SPRED2: variants seen among roughly 807,000 people sequenced by gnomAD.
The protein encoded by SPRED2 is sprouty-related, EVH1 domain-containing protein 2.
Under a neutral mutation model 43.0 loss-of-function variants are expected in SPRED2, and 47 were observed. The observed-to-expected ratio is 1.09, with a 90% CI of 0.87 to 1.40. The LOEUF (loss-of-function observed/expected upper bound fraction) is 1.40, where lower values mean the gene tolerates loss of function less well. Among genes scored for constraint, SPRED2 ranks in the 40% most tolerant of loss-of-function variants. SPRED2 has a pLI of 0.00. For synonymous variants in SPRED2, 225 were observed against 225.7 expected, an observed-to-expected ratio of 1.00 and a Z score of 0.03; for missense variants, 561 against 586.4, an observed-to-expected ratio of 0.96 and a Z score of 0.45.
chr2:65,414,044 C>T (rs1676220034), intron 1 of SPRED2, among the ~76,000 whole-genome samples: 1 of 152,098 alleles, frequency 6.6e-6, no homozygotes, highest in South Asian at 2.1e-4. Context: ...CCAGAAAATG[C>T]TAACAATCCA....
chr2:65,325,651 C>G (rs1396266213), intron 4 of SPRED2, among the ~76,000 whole-genome samples: 1 of 152,156 alleles, frequency 6.6e-6, no homozygotes, highest in Admixed American at 6.5e-5. Flanking sequence ...TCAAGAACCA[C>G]AGGATTAGGA....
chr2:65,321,636 G>A (rs1447341847), intron 4 of SPRED2, among the ~76,000 whole-genome samples: 1 of 151,746 alleles, frequency 6.6e-6, no homozygotes, highest in African/African-American at 2.4e-5. Flanking sequence ...AGGCAGATTA[G>A]ATTTGAATCA....
chr2:65,411,282 T>C (rs1470115662), intron 1 of SPRED2, among the ~76,000 whole-genome samples: 3 of 152,206 alleles, frequency 2.0e-5, no homozygotes, highest in African/African-American at 2.4e-5. Context: ...GATAGCAACA[T>C]TGAGGGACAC....
chr2:65,324,877 G>C (rs1184455662), intron 4 of SPRED2, among the ~76,000 whole-genome samples: 2 of 152,204 alleles, frequency 1.3e-5, no homozygotes, highest in Admixed American at 1.3e-4. Context: ...GGTCTTTTCA[G>C]TACTATGCGC....
intron 4 of SPRED2, among the ~76,000 whole-genome samples, chr2:65,326,916 C>T (rs1022561559): frequency 6.6e-6 from 1 of 152,184 alleles, no homozygotes; most frequent in Non-Finnish European, 1.5e-5. Flanking sequence ...TCACAGCTCA[C>T]TGCAGCCTTG....
chr2:65,338,790 G>C lies in SPRED2; in HGVS notation c.205-4017C>G, dbSNP rs1408338839. Among the ~76,000 whole-genome samples the C allele has an allele frequency of 5.3e-5, 8 of 150,202 alleles. No homozygotes were observed. The East Asian group carries it at 1.6e-3, about 30-fold the overall frequency. ...TGGGATGTGAGGAGCCCCTCTGCCT[G>C]GCTGCCCAGTCTGGAAAGTGAGGAG... On this transcript the variant is annotated intron_variant, in intron 2 of 5. Transcript: ENST00000356388.
chr2:65,363,356 T>C (rs1674881414), intron 1 of SPRED2, among the ~76,000 whole-genome samples: 1 of 151,930 alleles, frequency 6.6e-6, no homozygotes, highest in African/African-American at 2.4e-5. Context: ...TCAGCAAACA[T>C]GTACCCGGAA....
rs1025968806 is a variant in SPRED2 at position 65,376,773 on chromosome 2, G to T, written c.27-31877C>A. 2.0e-5 allele frequency among the ~76,000 whole-genome samples: 3 copies of T among 152,098 alleles called. No individual in the cohort carries two copies. In the South Asian group the frequency reaches 6.2e-4, roughly 32 times the overall value. ...TCTGTTGCCCAGTCTGGAGTGCAGT[G>T]GCGCAATCTCGGCTCACTGCAAGCT... On this transcript the variant is annotated intron_variant, in intron 1 of 5. Coordinates refer to ENST00000356388, the MANE Select transcript of SPRED2 (RefSeq NM_181784.3).
intron 4 of SPRED2, among the ~76,000 whole-genome samples, chr2:65,327,180 T>C (rs1267341439): frequency 4.6e-5 from 7 of 152,210 alleles, no homozygotes; most frequent in African/African-American, 7.2e-5. Context: ...TTAGATGATA[T>C]GTTGATATGA....
In SPRED2 at chr2:65,313,629, G is replaced by T. The variant is rs1673136584; in HGVS notation, c.1129C>A (p.Arg377=). Residue 377 remains arginine, a synonymous_variant, in exon 6 of 6, where the codon CGG becomes AGG. Transcript: ENST00000356388. ...CDTSDEKFCL[R]WMALIALSFL... ...GACAAGGCAATAAGAGCCATCCACC[G>T]GAGGCAAAACTTCTCGTCGCTAGTA... The T allele has an allele frequency of 1.2e-6, 2 of 1,614,188 alleles. No individual in the cohort carries two copies. Among genetic ancestry groups the T allele is most frequent in the East Asian group, 2.2e-5 (1 of 44,874 alleles).
chr2:65,334,718 G>A lies in SPRED2; in HGVS notation c.260C>T (p.Thr87Met), dbSNP rs781246078. The A allele has an allele frequency of 6.2e-6, 10 of 1,614,062 alleles. No homozygotes were observed. The highest frequency in any genetic ancestry group is 4.0e-5 in the African/African-American group (3 of 74,926). The change falls in exon 3 of 6, where the codon ACG (threonine) becomes ATG (methionine). Residue 87 changes from threonine (T) to methionine (M), a missense_variant. Thr to Met is a moderately conservative substitution (Grantham distance 81). This residue lies in a region of SPRED2 where 305 missense variants were observed against 282.4 expected (regional missense o/e 1.08). Coordinates refer to ENST00000356388, the MANE Select transcript of SPRED2 (RefSeq NM_181784.3). ...ATTATCGACCTTCCAGTGATGAAAC[G>A]TTGGATTGGCTTTGGTGTAGACCAA... ...KDLVYTKANP[T>M]FHHWKVDNRK... is the part of the protein sequence containing the mutation.
At chr2:65,395,022 G>C (rs748203628) in intron 1 of SPRED2, among the ~76,000 whole-genome samples, 11 of 152,110 alleles carry the variant, frequency 7.2e-5, no homozygotes, top group Non-Finnish European at 1.3e-4. Context: ...CCGGTGGCCA[G>C]GATTTGCCAT....
rs1191849304 is a variant in SPRED2, at chr2:65,432,334, A to T, written c.-347T>A. Reference sequence around the variant, plus strand: ...ACAAGCGCGCCTCGGAGCGGCAGGGACTGCTGCGAGGAGGAGGAGAGCGCC... The same window carrying T: ...ACAAGCGCGCCTCGGAGCGGCAGGGTCTGCTGCGAGGAGGAGGAGAGCGCC... On this transcript the variant is annotated 5_prime_UTR_variant, in exon 1 of 6. Coordinates refer to ENST00000356388, the MANE Select transcript of SPRED2 (RefSeq NM_181784.3). Among the ~76,000 whole-genome samples, 3 of 136,840 alleles carry T rather than the reference A, an allele frequency of 2.2e-5. No homozygotes were observed. The highest frequency in any genetic ancestry group is 4.6e-5 in the Non-Finnish European group (3 of 64,642). 89.8% of individuals were successfully genotyped at this position (136,840 alleles called of 152,430 possible).
chr2:65,367,765 G>A (rs1275871856), intron 1 of SPRED2, among the ~76,000 whole-genome samples: 2 of 152,206 alleles, frequency 1.3e-5, no homozygotes, highest in Non-Finnish European at 2.9e-5. Flanking sequence ...ACGTTATGAA[G>A]GAGAGGTGAC....
chr2:65,417,449 C>T (rs1676312739), intron 1 of SPRED2, among the ~76,000 whole-genome samples: 1 of 152,014 alleles, frequency 6.6e-6, no homozygotes, highest in African/African-American at 2.4e-5. Context: ...CTACCATGTT[C>T]AGGAGAGCTA....
At chr2:65,406,638 C>T (rs1401702234) in intron 1 of SPRED2, among the ~76,000 whole-genome samples, 1 of 152,210 alleles carries the variant, frequency 6.6e-6, no homozygotes, top group Non-Finnish European at 1.5e-5. Flanking sequence ...AGGTTGGGGG[C>T]AGAAAGCAAC....
chr2:65,431,874 C>G, intron 1 of SPRED2, 88 bp downstream of exon 1: 1 of 1,504,690 alleles, frequency 6.6e-7, no homozygotes, highest in Non-Finnish European at 9.2e-7. Flanking sequence ...CCAAGTTCAC[C>G]CAATAAGCGT....
intron 1 of SPRED2, among the ~76,000 whole-genome samples, chr2:65,385,586 T>C (rs1274332489): frequency 7.2e-5 from 11 of 152,130 alleles, no homozygotes. Flanking sequence ...ACCTTCCTGG[T>C]CTGATACAGC....
chr2:65,430,192 T>C (rs1280198734), intron 1 of SPRED2, among the ~76,000 whole-genome samples: 3 of 152,258 alleles, frequency 2.0e-5, no homozygotes, highest in South Asian at 2.1e-4. Context: ...ATTCCTTCTC[T>C]GTATTTCAGC....
Sources: gnomAD v4.1 joint callset for allele counts (sites outside exome capture counted in the v4.1 genomes callset) on GRCh38, gnomAD v4.1.1 for gene constraint, gnomAD v4.1.1 regional missense constraint, MANE v1.5 for transcripts, NCBI Gene and HGNC (gene_info 2026-07-23, HGNC 2026-07-21) for gene names.